MDGA2: variants seen among roughly 807,000 people sequenced by gnomAD.
The protein encoded by MDGA2 is MAM domain-containing glycosylphosphatidylinositol anchor protein 2.
A neutral mutation model predicts 117.8 loss-of-function variants in MDGA2; 40 were observed. That is an observed-to-expected ratio of 0.34 (90% CI 0.26 to 0.44). The LOEUF is 0.44. Ranked by LOEUF, MDGA2 falls within the 20% of genes least tolerant of loss-of-function variation. The pLI is 1.00. For missense variants in MDGA2, 1,123 were observed against 1,250.6 expected (o/e 0.90, Z 1.54); for synonymous variants, 452 against 439.0 (o/e 1.03, Z -0.37).
chr14:47,417,965 G>A (rs1892507111), intron 1 of MDGA2, among the ~76,000 whole-genome samples: 2 of 151,916 alleles, frequency 1.3e-5, no homozygotes, highest in Admixed American at 6.6e-5. Flanking sequence ...CCTCCTGCTG[G>A]ACCTCCCAAA....
At chr14:46,909,377 G>T (rs997011077) in intron 10 of MDGA2, among the ~76,000 whole-genome samples, 2 of 152,226 alleles carry the variant, frequency 1.3e-5, no homozygotes, top group East Asian at 3.9e-4. Context: ...GTTCAAGGAA[G>T]AACATTTTTT....
At chr14:47,314,275 C>T (rs1254736072) in intron 1 of MDGA2, among the ~76,000 whole-genome samples, 32 of 152,078 alleles carry the variant, frequency 2.1e-4, no homozygotes, top group African/African-American at 2.4e-5. Context: ...GTGTGCTGGC[C>T]GCAGGTGTAC....
At chr14:47,317,934 CTT>C (rs1254209192) in intron 1 of MDGA2, among the ~76,000 whole-genome samples, 1 of 152,082 alleles carries the variant, frequency 6.6e-6, no homozygotes, top group East Asian at 1.9e-4. Context: ...CAACACCTCT[CTT>C]CTCTCAAAAA....
At chr14:47,027,454 T>A (rs1013347307) in intron 8 of MDGA2, among the ~76,000 whole-genome samples, 2 of 151,940 alleles carry the variant, frequency 1.3e-5, no homozygotes, top group African/African-American at 4.8e-5. Context: ...TTTTAATACA[T>A]ACACTTTATC....
intron 6 of MDGA2, among the ~76,000 whole-genome samples, 176 bp downstream of exon 6, chr14:47,096,678 C>T: frequency 6.6e-6 from 1 of 151,924 alleles, no homozygotes; most frequent in Non-Finnish European, 1.5e-5. Flanking sequence ...TGTTATTAAT[C>T]TTTAACCTGT....
intron 1 of MDGA2, among the ~76,000 whole-genome samples, chr14:47,380,891 T>G (rs921862160): frequency 6.6e-6 from 1 of 152,106 alleles, no homozygotes; most frequent in Non-Finnish European, 1.5e-5. Context: ...TACCAAAGCC[T>G]GGCAGAGACA....
At chr14:46,979,125 TTTTC>T (rs1465505145) in intron 8 of MDGA2, among the ~76,000 whole-genome samples, 1 of 152,150 alleles carries the variant, frequency 6.6e-6, no homozygotes, top group Non-Finnish European at 1.5e-5. Flanking sequence ...ATTTCCAACT[TTTTC>T]TTTATTATTA....
intron 1 of MDGA2, among the ~76,000 whole-genome samples, chr14:47,324,515 T>C (rs138584013): frequency 4.0e-4 from 61 of 152,298 alleles, no homozygotes; most frequent in African/African-American, 9.9e-4. Context: ...CTGTGTATCT[T>C]TCTAGTCGCA....
intron 1 of MDGA2, among the ~76,000 whole-genome samples, chr14:47,586,776 A>G (rs973609232): frequency 2.0e-5 from 3 of 151,882 alleles, no homozygotes; most frequent in Middle Eastern, 3.2e-3. Context: ...CAGCAACATA[A>G]GGAAATTGAG....
intron 2 of MDGA2, among the ~76,000 whole-genome samples, chr14:47,286,261 A>T (rs1888667442): frequency 6.6e-6 from 1 of 152,032 alleles, no homozygotes; most frequent in South Asian, 2.1e-4. Flanking sequence ...ATTGTTTTGA[A>T]ATGTAGAAAA....
intron 1 of MDGA2, among the ~76,000 whole-genome samples, chr14:47,487,831 G>A (rs546214699): frequency 1.4e-4 from 21 of 151,966 alleles, no homozygotes; most frequent in Non-Finnish European, 1.3e-4. Context: ...TCTTAGTCTT[G>A]GCAATAACCC....
intron 1 of MDGA2, among the ~76,000 whole-genome samples, chr14:47,421,170 T>C (rs1277204998): frequency 6.6e-6 from 1 of 152,118 alleles, no homozygotes; most frequent in Non-Finnish European, 1.5e-5. Context: ...GTAACGTATC[T>C]GGAGAATTTC....
chr14:47,268,037 T>C (rs1888022361), intron 2 of MDGA2, among the ~76,000 whole-genome samples: 1 of 152,106 alleles, frequency 6.6e-6, no homozygotes, highest in African/African-American at 2.4e-5. Context: ...GGCTACAATC[T>C]ACTCATGCAG....
chr14:47,391,053 A>G (rs762437314), intron 1 of MDGA2, among the ~76,000 whole-genome samples: 3 of 152,142 alleles, frequency 2.0e-5, no homozygotes, highest in Non-Finnish European at 2.9e-5. Context: ...GTTACTTTTG[A>G]TGCTATGCTT....
In MDGA2 at chr14:47,343,215, T is replaced by TTTG. The variant is rs1566747404; in HGVS notation, c.281-41666_281-41665insCAA. 2.6e-6 allele frequency: 3 copies of TTTG among 1,139,562 alleles called. No individual in the cohort carries two copies. The East Asian group carries it at 2.0e-4, about 78-fold the overall frequency. The allele number at this position is 1,139,562 out of a possible 1,614,324, so 70.6% of individuals were successfully genotyped here. ...AGCTATTAAAAGGAATGGTGATTTTTTTTGTTTGTTTGTTTTTTTCAGGAA... is the reference window on the plus strand; with the variant it reads ...AGCTATTAAAAGGAATGGTGATTTTTTTGTTTGTTTGTTTGTTTTTTTCAGGAA... On this transcript the variant is annotated intron_variant, in intron 1 of 16. Coordinates refer to ENST00000399232, the MANE Select transcript of MDGA2 (RefSeq NM_001113498.3).
At chr14:47,556,724 T>A (rs1370904071) in intron 1 of MDGA2, among the ~76,000 whole-genome samples, 2 of 152,240 alleles carry the variant, frequency 1.3e-5, no homozygotes, top group Non-Finnish European at 2.9e-5. Flanking sequence ...GCCTGGCATA[T>A]AATACAAGCT....
At chr14:47,551,789 A>AT (rs925997845) in intron 1 of MDGA2, among the ~76,000 whole-genome samples, 8 of 151,130 alleles carry the variant, frequency 5.3e-5, no homozygotes, top group Admixed American at 6.6e-5. Context: ...ATATTTAAGA[A>AT]TTTTTTTTTT....
Position 47,386,049 on chromosome 14 carries a change from G to A in MDGA2, c.281-84499C>T, listed in dbSNP as rs965063490. Among the ~76,000 whole-genome samples the A allele has an allele frequency of 3.3e-5, 5 of 152,216 alleles. No homozygotes were observed. The South Asian group carries it at 6.2e-4, about 19-fold the overall frequency. ...TAATCCCAGCACTTTGGGGGGCTGAGGCAGGTTGGATCACCTGAGGTCAGG... is the reference window on the plus strand; with the variant it reads ...TAATCCCAGCACTTTGGGGGGCTGAAGCAGGTTGGATCACCTGAGGTCAGG... On this transcript the variant is annotated intron_variant, in intron 1 of 16. Coordinates refer to ENST00000399232, the MANE Select transcript of MDGA2 (RefSeq NM_001113498.3).
At chr14:47,241,981 G>A (rs1425247757) in intron 2 of MDGA2, among the ~76,000 whole-genome samples, 1 of 151,750 alleles carries the variant, frequency 6.6e-6, no homozygotes, top group Non-Finnish European at 1.5e-5. Flanking sequence ...GAAGGCCATT[G>A]TGAAGAAAAA....
Sources: allele counts gnomAD v4.1 joint callset (sites outside exome capture counted in the v4.1 genomes callset), GRCh38; gene constraint gnomAD v4.1.1; transcripts MANE v1.5; gene names NCBI Gene and HGNC (gene_info 2026-07-23, HGNC 2026-07-21).